The following WWOX variants were observed in gnomAD, a reference collection of about 807,000 sequenced individuals.
WWOX encodes WW domain containing oxidoreductase.
Under a neutral mutation model 46.2 loss-of-function variants are expected in WWOX, and 69 were observed. The observed-to-expected ratio is 1.49, with a 90% confidence interval of 1.23 to 1.82. The LOEUF (loss-of-function observed/expected upper bound fraction) is 1.82. WWOX is among the 40% of genes most tolerant of loss of function. The pLI is 0.00. For synonymous variants in WWOX, 359 were observed against 202.6 expected (o/e 1.77, Z -6.56); for missense variants, 919 against 542.6 (o/e 1.69, Z -6.89).
At chr16:78,506,437 C>T (rs1302404529) in intron 8 of WWOX, 2 of 152,226 alleles carry the variant, frequency 1.3e-5, no homozygotes, top group East Asian at 1.9e-4. Flanking sequence ...CCTTTGACTC[C>T]CTCCACCCCC....
intron 8 of WWOX, among the ~76,000 whole-genome samples, chr16:78,859,054 A>ATG (rs1162882746): frequency 8.4e-5 from 6 of 71,258 alleles, no homozygotes; most frequent in South Asian, 4.4e-4. Flanking sequence ...ATATATGTAT[A>ATG]TATATATATA....
At chr16:78,497,396 C>T (rs988712832) in intron 8 of WWOX, among the ~76,000 whole-genome samples, 3 of 152,168 alleles carry the variant, frequency 2.0e-5, no homozygotes, top group Admixed American at 1.3e-4. Context: ...AGCTCCATGA[C>T]ACTGGTCTGC....
chr16:78,851,643 G>C (rs1187585093), intron 8 of WWOX, among the ~76,000 whole-genome samples: 1 of 152,182 alleles, frequency 6.6e-6, no homozygotes, highest in Non-Finnish European at 1.5e-5. Context: ...GACACATAGA[G>C]ATGCTCAATA....
At chr16:78,519,901 A>C (rs944430602) in intron 8 of WWOX, among the ~76,000 whole-genome samples, 4 of 152,210 alleles carry the variant, frequency 2.6e-5, no homozygotes, top group Non-Finnish European at 5.9e-5. Context: ...TTGGGATCGC[A>C]GCGTGAATGG....
chr16:79,125,102 G>C (rs1311509750), intron 8 of WWOX, among the ~76,000 whole-genome samples: 1 of 150,492 alleles, frequency 6.6e-6, no homozygotes, highest in East Asian at 1.9e-4. Context: ...GATCCTGCTA[G>C]AGACTGCCCA....
At chr16:78,444,479 A>AT (rs201124940) in intron 8 of WWOX, among the ~76,000 whole-genome samples, 2,380 of 151,054 alleles carry the variant, frequency 0.016, 60 homozygotes, top group African/African-American at 0.055. Context: ...GAGAATGGAT[A>AT]TTTTCATGTC....
intron 8 of WWOX, among the ~76,000 whole-genome samples, chr16:78,680,710 C>T (rs999238488): frequency 1.3e-5 from 2 of 152,220 alleles, no homozygotes; most frequent in African/African-American, 4.8e-5. Context: ...CTGTGGGTAG[C>T]ACATACAGAA....
chr16:78,440,330 A>T (rs1020723090), intron 8 of WWOX, among the ~76,000 whole-genome samples: 1 of 152,116 alleles, frequency 6.6e-6, no homozygotes, highest in African/African-American at 2.4e-5. Context: ...TTCTTTCCTT[A>T]GGGTTTTGAA....
At chr16:78,259,449 G>GTCTATCTATCTATCTATGTAT (rs1555510202) in intron 5 of WWOX, among the ~76,000 whole-genome samples, 5 of 151,732 alleles carry the variant, frequency 3.3e-5, no homozygotes, top group Non-Finnish European at 4.4e-5. Flanking sequence ...GCCTCAGTCT[G>GTCTATCTATCTATCTATGTAT]CCGACTAGCT....
intron 5 of WWOX, among the ~76,000 whole-genome samples, chr16:78,375,589 A>G (rs912990737): frequency 5.9e-5 from 9 of 152,152 alleles, no homozygotes; most frequent in South Asian, 2.1e-4. Context: ...CTTTTCTTTC[A>G]TAGTCTCCGT....
intron 5 of WWOX, among the ~76,000 whole-genome samples, chr16:78,351,469 T>G (rs150556037): frequency 1.7e-4 from 26 of 152,282 alleles, no homozygotes; most frequent in Non-Finnish European, 3.2e-4. Flanking sequence ...GGATATCATA[T>G]ACGCTTTAGG....
intron 8 of WWOX, among the ~76,000 whole-genome samples, chr16:78,548,764 G>C (rs1305426771): frequency 2.6e-5 from 4 of 152,126 alleles, no homozygotes; most frequent in Admixed American, 2.0e-4. Context: ...TAGTGTAATG[G>C]TTTAGTTCAG....
At chr16:78,404,854 G>A (rs1243593006) in intron 6 of WWOX, among the ~76,000 whole-genome samples, 4 of 152,174 alleles carry the variant, frequency 2.6e-5, no homozygotes, top group African/African-American at 7.2e-5. Context: ...AGTGCTGAAT[G>A]CAAAGGGCAG....
intron 8 of WWOX, among the ~76,000 whole-genome samples, chr16:78,748,990 C>T (rs186214476): frequency 1.1e-3 from 161 of 152,330 alleles, no homozygotes; most frequent in African/African-American, 3.5e-3. Context: ...ACCAAATCAA[C>T]GACTGCAAGG....
At chr16:78,510,240 T>C (rs1393907042) in intron 8 of WWOX, among the ~76,000 whole-genome samples, 1 of 152,334 alleles carries the variant, frequency 6.6e-6, no homozygotes, top group East Asian at 1.9e-4. Context: ...GATGGAGTCT[T>C]GCTCTGTTGA....
In WWOX at chr16:78,757,677, C is replaced by T. The variant is rs925592673; in HGVS notation, c.1056+324925C>T. Among the ~76,000 whole-genome samples the T allele has an allele frequency of 7.3e-5, 11 of 151,652 alleles. 1 individual carries two copies. The highest frequency in any genetic ancestry group is 1.7e-4 in the African/African-American group (7 of 41,424). ...TTTATATAAATACATTATATTTATT[C>T]ACATAAACACATTTTATTTATATAA... On this transcript the variant is annotated intron_variant, in intron 8 of 8. Coordinates refer to ENST00000566780, the MANE Select transcript of WWOX (RefSeq NM_016373.4).
chr16:78,845,101 C>T (rs924405301), intron 8 of WWOX, among the ~76,000 whole-genome samples: 1 of 150,010 alleles, frequency 6.7e-6, no homozygotes, highest in Non-Finnish European at 1.5e-5. Flanking sequence ...ATTTAATAGC[C>T]CTGCATTCAT....
chr16:79,047,088 C>T (rs370811126), intron 8 of WWOX, among the ~76,000 whole-genome samples: 6 of 152,334 alleles, frequency 3.9e-5, no homozygotes, highest in African/African-American at 1.4e-4. Context: ...CTCCTTTCAA[C>T]CAGCATGCCA....
chr16:78,909,524 TGCCTTCTGGATGGTTTTAACCCTCA>T (rs1172180144), intron 8 of WWOX, among the ~76,000 whole-genome samples: 7 of 152,190 alleles, frequency 4.6e-5, no homozygotes, highest in Admixed American at 3.9e-4. Context: ...AGGTCCCACG[TGCCTTCTGGATGGTTTTAACCCTCA>T]GCCTCTCTTT....
Sources: allele counts gnomAD v4.1 joint callset (sites outside exome capture counted in the v4.1 genomes callset), GRCh38; gene constraint gnomAD v4.1.1; transcripts MANE v1.5; gene names NCBI Gene and HGNC (gene_info 2026-07-23, HGNC 2026-07-21).